The following SUPT3H variants were observed in gnomAD, a reference collection of about 807,000 sequenced individuals.
SUPT3H encodes the protein transcription initiation protein SPT3 homolog.
SUPT3H carries 44 observed loss-of-function variants against 44.3 expected under a neutral mutation model. The observed-to-expected ratio is 0.99, with a 90% confidence interval of 0.78 to 1.28. SUPT3H has a LOEUF of 1.28. SUPT3H is among the 50% of genes most tolerant of loss of function. SUPT3H has a pLI of 0.00. For synonymous variants in SUPT3H, 124 were observed against 125.6 expected (o/e 0.99, Z 0.09); for missense variants, 380 against 387.1 (o/e 0.98, Z 0.15).
chr6:45,367,297 C>T (rs1795298370), intron 1 of SUPT3H, among the ~76,000 whole-genome samples: 2 of 151,978 alleles, frequency 1.3e-5, no homozygotes, highest in Admixed American at 1.3e-4. Flanking sequence ...AAACTGAGCC[C>T]GAAAACCAAA....
intron 2 of SUPT3H, among the ~76,000 whole-genome samples, chr6:45,306,160 C>A (rs2149958356): frequency 6.6e-6 from 1 of 152,298 alleles, no homozygotes; most frequent in Admixed American, 6.5e-5. Flanking sequence ...GGTCTCAACT[C>A]CAAGGCCACA....
rs377764240 is a variant in SUPT3H at position 45,244,893 on chromosome 6, T to C, written c.101+120308A>G. On this transcript the variant is annotated intron_variant, in intron 2 of 10. Coordinates refer to ENST00000371459, the MANE Select transcript of SUPT3H (RefSeq NM_003599.4). ...TTATAATATAGATGTCTTATAAATC[T>C]ATACTAAATAAATGAAAAATCTTAT... Among the ~76,000 whole-genome samples the C allele has an allele frequency of 1.8e-4, 27 of 152,264 alleles. No homozygotes were observed. The East Asian group carries it at 4.4e-3, about 25-fold the overall frequency.
At chr6:45,126,053 C>G (rs1802386913) in intron 2 of SUPT3H, among the ~76,000 whole-genome samples, 1 of 152,158 alleles carries the variant, frequency 6.6e-6, no homozygotes, top group Admixed American at 6.5e-5. Context: ...TGTCTCTGAA[C>G]TCAGATTTGT....
intron 2 of SUPT3H, among the ~76,000 whole-genome samples, chr6:45,167,815 TTA>T (rs1374424528): frequency 2.0e-5 from 3 of 151,844 alleles, no homozygotes; most frequent in African/African-American, 4.8e-5. Context: ...TTATTTTCAT[TTA>T]TTTTTTTTTT....
At chr6:45,281,378 G>A (rs746179804) in intron 2 of SUPT3H, among the ~76,000 whole-genome samples, 24 of 152,288 alleles carry the variant, frequency 1.6e-4, no homozygotes, top group Non-Finnish European at 2.4e-4. Flanking sequence ...CTGGAAAATC[G>A]GGTCATTCCC....
At chr6:45,030,314 T>C (rs1014948792) in intron 3 of SUPT3H, among the ~76,000 whole-genome samples, 3 of 152,200 alleles carry the variant, frequency 2.0e-5, no homozygotes, top group Admixed American at 6.5e-5. Context: ...CTATATAATA[T>C]GTGCTTTACT....
chr6:45,129,175 GAATTGCCCTCTACTC>G (rs1803014467), intron 2 of SUPT3H, among the ~76,000 whole-genome samples: 1 of 152,198 alleles, frequency 6.6e-6, no homozygotes, highest in South Asian at 2.1e-4. Flanking sequence ...GGGCTCATCT[GAATTGCCCTCTACTC>G]AGACTCTGAC....
intron 2 of SUPT3H, among the ~76,000 whole-genome samples, chr6:45,210,096 CT>C (rs962773809): frequency 6.6e-6 from 1 of 151,840 alleles, no homozygotes; most frequent in African/African-American, 2.4e-5. Context: ...ATGTATACTG[CT>C]TTTTTTTAAA....
intron 4 of SUPT3H, among the ~76,000 whole-genome samples, chr6:45,015,926 T>A: frequency 6.6e-6 from 1 of 151,964 alleles, no homozygotes; most frequent in Non-Finnish European, 1.5e-5. Flanking sequence ...AACTGTCAGC[T>A]CCCTTGATAA....
chr6:45,200,645 G>T (rs1762336010), intron 2 of SUPT3H, among the ~76,000 whole-genome samples: 1 of 151,388 alleles, frequency 6.6e-6, no homozygotes, highest in South Asian at 2.1e-4. Context: ...AAAAAATGAA[G>T]CTCATAGGGG....
chr6:45,340,454 G>GCTTGGACTACAGGCACGCACCAC (rs1789533344), intron 2 of SUPT3H, among the ~76,000 whole-genome samples: 1 of 151,946 alleles, frequency 6.6e-6, no homozygotes, highest in Admixed American at 6.6e-5. Context: ...ATCCCAGGTA[G>GCTTGGACTACAGGCACGCACCAC]CTTGGACTAC....
intron 2 of SUPT3H, among the ~76,000 whole-genome samples, chr6:45,181,417 A>G (rs376843148): frequency 2.0e-5 from 3 of 152,022 alleles, no homozygotes; most frequent in Non-Finnish European, 4.4e-5. Context: ...ACATGCACAC[A>G]TATGTTTATT....
At position 45,175,138 on chromosome 6, in the gene SUPT3H, A is replaced by C. The variant is rs574121613; in HGVS notation, c.102-69132T>G. Reference sequence around the variant, plus strand: ...CTTCCTACTATATCACTTAACATCTAATAAAAATTATTTGTTTGTATATAT... The same window carrying C: ...CTTCCTACTATATCACTTAACATCTCATAAAAATTATTTGTTTGTATATAT... On this transcript the variant is annotated intron_variant, in intron 2 of 10. Coordinates refer to ENST00000371459, the MANE Select transcript of SUPT3H (RefSeq NM_003599.4). Among the ~76,000 whole-genome samples, 4 of 152,116 alleles carry C rather than the reference A, an allele frequency of 2.6e-5. No homozygotes were observed. The East Asian group carries it at 7.7e-4, about 29-fold the overall frequency.
intron 2 of SUPT3H, among the ~76,000 whole-genome samples, chr6:45,263,009 G>C (rs1327112957): frequency 1.3e-5 from 2 of 152,036 alleles, no homozygotes; most frequent in Non-Finnish European, 2.9e-5. Context: ...TGAGGTTGCA[G>C]AAAAAAAGAA....
intron 9 of SUPT3H, among the ~76,000 whole-genome samples, chr6:44,937,287 T>A (rs1274955761): frequency 6.6e-6 from 1 of 150,970 alleles, no homozygotes; most frequent in East Asian, 2.0e-4. Flanking sequence ...AGGTCAAGAG[T>A]TTGAGACCAG....
chr6:44,967,352 G>A (rs574361676), intron 6 of SUPT3H, among the ~76,000 whole-genome samples: 8 of 152,080 alleles, frequency 5.3e-5, no homozygotes, highest in East Asian at 1.9e-4. Context: ...CACTTTCTGC[G>A]TCCTACTTAA....
At chr6:44,887,932 G>A (rs1483681484) in intron 10 of SUPT3H, among the ~76,000 whole-genome samples, 4 of 151,900 alleles carry the variant, frequency 2.6e-5, no homozygotes, top group Non-Finnish European at 2.9e-5. Context: ...AATGATAAAG[G>A]GGATATCACC....
intron 2 of SUPT3H, among the ~76,000 whole-genome samples, chr6:45,335,137 A>G (rs1018905487): frequency 6.6e-6 from 1 of 151,238 alleles, no homozygotes; most frequent in African/African-American, 2.4e-5. Context: ...AAACAATTTA[A>G]GCATTGAATT....
intron 10 of SUPT3H, among the ~76,000 whole-genome samples, chr6:44,902,785 A>ATT (rs1765313910): frequency 6.6e-6 from 1 of 152,120 alleles, no homozygotes; most frequent in Admixed American, 6.5e-5. Context: ...TGGAAGCAAA[A>ATT]CACTCCTCAG....
Sources: gnomAD v4.1 joint callset for allele counts (sites outside exome capture counted in the v4.1 genomes callset) on GRCh38, gnomAD v4.1.1 for gene constraint, MANE v1.5 for transcripts, NCBI Gene and HGNC (gene_info 2026-07-23, HGNC 2026-07-21) for gene names.